ADAMTS17: variants seen among roughly 807,000 people sequenced by gnomAD.
The protein encoded by ADAMTS17 is ADAM metallopeptidase with thrombospondin type 1 motif 17, also known as A disintegrin and metalloproteinase with thrombospondin motifs 17.
Under a neutral mutation model 141.5 loss-of-function variants are expected in ADAMTS17, and 113 were observed. That is an observed-to-expected ratio of 0.80 (90% CI 0.69 to 0.93). The LOEUF (loss-of-function observed/expected upper bound fraction) is 0.93. Among genes scored for constraint, ADAMTS17 ranks in the 40% least tolerant of loss-of-function variants. The pLI is 0.00. For missense variants in ADAMTS17, 1,659 were observed against 1,517.9 expected, an observed-to-expected ratio of 1.09 and a Z score of -1.54; for synonymous variants, 768 against 630.6, an observed-to-expected ratio of 1.22 and a Z score of -3.27.
At chr15:100,124,495 T>A (rs12916667) in intron 12 of ADAMTS17, among the ~76,000 whole-genome samples, 1 of 152,052 alleles carries the variant, frequency 6.6e-6, no homozygotes, top group African/African-American at 2.4e-5. Flanking sequence ...AGTGAGGACA[T>A]GGGGCAAGTA....
intron 4 of ADAMTS17, among the ~76,000 whole-genome samples, chr15:100,278,619 G>A (rs1006791803): frequency 5.3e-5 from 8 of 152,172 alleles, no homozygotes; most frequent in Non-Finnish European, 8.8e-5. Flanking sequence ...GCACAATAGG[G>A]GTGAGGGGCA....
chr15:100,218,669 T>C (rs4965594), intron 7 of ADAMTS17, among the ~76,000 whole-genome samples: 117,774 of 152,182 alleles, frequency 0.77, 46,194 homozygotes, highest in African/African-American at 0.9. Flanking sequence ...CGTTTGGCAG[T>C]GTCTCAAAAT....
chr15:100,057,026 G>A (rs769270219), intron 15 of ADAMTS17, among the ~76,000 whole-genome samples: 2 of 152,086 alleles, frequency 1.3e-5, no homozygotes, highest in African/African-American at 2.4e-5. Context: ...AACGCCACCC[G>A]CAGTGTGTGG....
At chr15:100,240,404 G>A (rs1160777544) in intron 7 of ADAMTS17, among the ~76,000 whole-genome samples, 2 of 152,328 alleles carry the variant, frequency 1.3e-5, no homozygotes, top group African/African-American at 4.8e-5. Flanking sequence ...TGTGGCCGAA[G>A]GATTATTTTG....
At chr15:100,330,641 T>C (rs568542931) in intron 3 of ADAMTS17, among the ~76,000 whole-genome samples, 9 of 152,246 alleles carry the variant, frequency 5.9e-5, no homozygotes, top group Admixed American at 5.9e-4. Context: ...TCTTGATATA[T>C]AAAATTGAGG....
intron 18 of ADAMTS17, among the ~76,000 whole-genome samples, chr15:100,034,821 C>T (rs970887205): frequency 6.6e-6 from 1 of 152,212 alleles, no homozygotes; most frequent in East Asian, 1.9e-4. Context: ...GGAAAAGGAC[C>T]TGATAAACTC....
At position 99,990,883 on chromosome 15, in the gene ADAMTS17, T is replaced by C. The variant is rs560835846; in HGVS notation, c.2949+2165A>G. Among the ~76,000 whole-genome samples, 9 of 152,340 alleles carry C rather than the reference T, an allele frequency of 5.9e-5. No individual in the cohort carries two copies. The East Asian group carries it at 1.7e-3, about 29-fold the overall frequency. On this transcript the variant is annotated intron_variant, in intron 20 of 21. Transcript: ENST00000268070. ...ATAATGCCACACATCTACAACCATC[T>C]GATCTTTGACAACCCTGACAAAAAC...
At chr15:100,330,371 AG>A (rs1348317744) in intron 3 of ADAMTS17, among the ~76,000 whole-genome samples, 1 of 152,192 alleles carries the variant, frequency 6.6e-6, no homozygotes, top group Non-Finnish European at 1.5e-5. Flanking sequence ...ACCCTCCCCC[AG>A]GGTTTCTGAT....
chr15:100,108,032 G>T (rs1008514572), intron 14 of ADAMTS17, among the ~76,000 whole-genome samples: 1 of 152,082 alleles, frequency 6.6e-6, no homozygotes, highest in Admixed American at 6.5e-5. Flanking sequence ...TCGTTCTGAG[G>T]GACAAAATGG....
At chr15:100,234,278 G>A (rs965277843) in intron 7 of ADAMTS17, among the ~76,000 whole-genome samples, 1 of 152,174 alleles carries the variant, frequency 6.6e-6, no homozygotes, top group African/African-American at 2.4e-5. Flanking sequence ...AATAAAACTC[G>A]CAGCCACCGT....
intron 20 of ADAMTS17, among the ~76,000 whole-genome samples, chr15:99,985,844 C>T (rs1289783719): frequency 6.6e-6 from 1 of 152,182 alleles, no homozygotes; most frequent in Non-Finnish European, 1.5e-5. Flanking sequence ...TGTCACGGGC[C>T]AATATCACTG....
chr15:100,013,180 C>T (rs2061221614), intron 18 of ADAMTS17, among the ~76,000 whole-genome samples: 1 of 152,134 alleles, frequency 6.6e-6, no homozygotes, highest in Non-Finnish European at 1.5e-5. Flanking sequence ...ATTTGATTCT[C>T]TGCTTGGTCG....
chr15:100,147,629 G>C (rs926730563), intron 10 of ADAMTS17, among the ~76,000 whole-genome samples: 4 of 152,140 alleles, frequency 2.6e-5, no homozygotes, highest in Non-Finnish European at 5.9e-5. Flanking sequence ...AATCTCACAG[G>C]ACCACCAGCA....
chr15:99,993,716 A>G lies in ADAMTS17; in HGVS notation c.2797-516T>C, dbSNP rs114349334. On this transcript the variant is annotated intron_variant, in intron 19 of 21. Transcript: ENST00000268070. The surrounding 1 kb of genome is among the most constrained non-coding windows in gnomAD (Gnocchi z 4.3). ...GAAGGAGGAGGAGGCGGCAGAAGGA[A>G]GGAAAAGCCACAGATGACTTTCTCG... Among the ~76,000 whole-genome samples the G allele has an allele frequency of 0.015, 2,278 of 152,312 alleles. 54 individuals carry two copies. Among genetic ancestry groups the G allele is most frequent in the African/African-American group, 0.051 (2,119 of 41,554 alleles).
At chr15:100,227,866 T>C (rs1467132172) in intron 7 of ADAMTS17, among the ~76,000 whole-genome samples, 1 of 152,224 alleles carries the variant, frequency 6.6e-6, no homozygotes, top group Non-Finnish European at 1.5e-5. Context: ...GAGAGGGGCA[T>C]GGCTGCTAAG....
rs1054476070 is a variant in ADAMTS17, at chr15:99,993,803, A to G, written c.2797-603T>C. ...GAATGTCTGAATGCAGACACCAAGAATGGTGACAGACGCATGGCCCCTGTG... is the reference window on the plus strand; with the variant it reads ...GAATGTCTGAATGCAGACACCAAGAGTGGTGACAGACGCATGGCCCCTGTG... On this transcript the variant is annotated intron_variant, in intron 19 of 21. Coordinates refer to ENST00000268070, the MANE Select transcript of ADAMTS17 (RefSeq NM_139057.4). This position sits in a 1 kb window ranked among gnomAD's most constrained non-coding sequence, Gnocchi z 4.3. Among the ~76,000 whole-genome samples, 2 of 152,196 alleles carry G rather than the reference A, an allele frequency of 1.3e-5. No homozygotes were observed. The highest frequency in any genetic ancestry group is 2.9e-5 in the Non-Finnish European group (2 of 68,020).
At chr15:100,172,795 T>C (rs1433687550) in intron 8 of ADAMTS17, among the ~76,000 whole-genome samples, 1 of 152,264 alleles carries the variant, frequency 6.6e-6, no homozygotes, top group Non-Finnish European at 1.5e-5. Context: ...CTCTCACCAT[T>C]GTTCCAACTG....
chr15:100,116,309 T>C (rs1346314592), intron 13 of ADAMTS17, among the ~76,000 whole-genome samples: 1 of 152,142 alleles, frequency 6.6e-6, no homozygotes, highest in African/African-American at 2.4e-5. Context: ...AGCCTCTTGA[T>C]TCAGGAGAAA....
chr15:100,255,805 G>A (rs1385037819), intron 6 of ADAMTS17, among the ~76,000 whole-genome samples: 1 of 152,198 alleles, frequency 6.6e-6, no homozygotes, highest in African/African-American at 2.4e-5. Context: ...ATTTTGCAGA[G>A]AGCCAGCCCT....
Sources: allele counts gnomAD v4.1 joint callset (sites outside exome capture counted in the v4.1 genomes callset), GRCh38; gene constraint gnomAD v4.1.1; non-coding constraint Gnocchi (gnomAD v3.1); transcripts MANE v1.5; gene names NCBI Gene and HGNC (gene_info 2026-07-23, HGNC 2026-07-21).